NECTIN3: variants seen among roughly 807,000 people sequenced by gnomAD.
NECTIN3 encodes nectin cell adhesion molecule 3.
NECTIN3 carries 8 observed loss-of-function variants against 49.4 expected under a neutral mutation model. The ratio of observed to expected loss-of-function variants is 0.16; its 90% CI spans 0.10 to 0.29. NECTIN3 has a LOEUF of 0.29. Among genes scored for constraint, NECTIN3 ranks in the 10% least tolerant of loss-of-function variants. The probability of loss-of-function intolerance (pLI) is 1.00; values close to 1 mark genes in which losing one functional copy is unlikely to be tolerated. For missense variants in NECTIN3, 581 were observed against 654.6 expected (o/e 0.89, Z 1.23); for synonymous variants, 277 against 241.1 (o/e 1.15, Z -1.38).
intron 1 of NECTIN3, among the ~76,000 whole-genome samples, chr3:111,086,458 G>T (rs1439413882): frequency 2.6e-5 from 4 of 152,018 alleles, no homozygotes; most frequent in African/African-American, 9.7e-5. Context: ...ATAAGATAGG[G>T]TTCATATTTT....
intron 1 of NECTIN3, among the ~76,000 whole-genome samples, chr3:111,079,402 C>T (rs2031448746): frequency 6.6e-6 from 1 of 151,710 alleles, no homozygotes; most frequent in Non-Finnish European, 1.5e-5. Flanking sequence ...GTTTAAATGT[C>T]CTTTCATTAT....
intron 7 of NECTIN3, among the ~76,000 whole-genome samples, chr3:111,163,346 T>C (rs1018984253): frequency 1.3e-5 from 2 of 152,152 alleles, no homozygotes; most frequent in Non-Finnish European, 2.9e-5. Context: ...ACTTCAATAG[T>C]TGAAGCAACT....
chr3:111,113,980 C>T (rs1269115414), intron 2 of NECTIN3, among the ~76,000 whole-genome samples: 1 of 151,926 alleles, frequency 6.6e-6, no homozygotes, highest in African/African-American at 2.4e-5. Context: ...GAGACTGTGT[C>T]TCTAAATAAA....
intron 5 of NECTIN3, among the ~76,000 whole-genome samples, chr3:111,128,973 C>T (rs2034277707): frequency 6.6e-6 from 1 of 152,178 alleles, no homozygotes. Flanking sequence ...AAACCAAATC[C>T]TTACAATGAC....
At chr3:111,193,611 G>A (rs2035854821) in intron 1 of NECTIN3, 1 of 520,600 alleles carries the variant, frequency 1.9e-6, no homozygotes, top group Admixed American at 3.2e-5. Context: ...GTGTTTCTGT[G>A]ATGATGGTAT....
At chr3:111,124,866 T>C (rs1219995070) in intron 4 of NECTIN3, among the ~76,000 whole-genome samples, 1 of 152,128 alleles carries the variant, frequency 6.6e-6, no homozygotes, top group Non-Finnish European at 1.5e-5. Context: ...TTTACTTCTG[T>C]ATCTCAGCAC....
chr3:111,089,464 T>A (rs2032132220), intron 1 of NECTIN3, among the ~76,000 whole-genome samples: 1 of 146,166 alleles, frequency 6.8e-6, no homozygotes, highest in African/African-American at 2.4e-5. Context: ...CACACATATA[T>A]GTAATTTTTT....
chr3:111,077,803 A>T (rs903533448), intron 1 of NECTIN3, among the ~76,000 whole-genome samples: 1 of 152,178 alleles, frequency 6.6e-6, no homozygotes, highest in Non-Finnish European at 1.5e-5. Context: ...TGTGCTTGGC[A>T]TGTAGTAGGC....
rs574238552 is a variant in NECTIN3 at position 111,146,250 on chromosome 3, C to T, written c.1140-1153C>T. Reference sequence around the variant, plus strand: ...GAGATCGAGACCATCCCGGCTAAAACGGTGAAACCCCGTCTCTACTAAAAA... The same window carrying T: ...GAGATCGAGACCATCCCGGCTAAAATGGTGAAACCCCGTCTCTACTAAAAA... On this transcript the variant is annotated intron_variant, in intron 6 of 8. Transcript: ENST00000493615. Among the ~76,000 whole-genome samples the T allele has an allele frequency of 4.0e-3, 600 of 151,686 alleles. 5 individuals carry two copies. The highest frequency in any genetic ancestry group is 0.014 in the African/African-American group (572 of 41,422).
At chr3:111,115,676 T>C (rs1422557726) in intron 2 of NECTIN3, among the ~76,000 whole-genome samples, 2 of 152,184 alleles carry the variant, frequency 1.3e-5, no homozygotes, top group African/African-American at 4.8e-5. Context: ...ACACTTGTGA[T>C]TAGGAAGATG....
intron 1 of NECTIN3, among the ~76,000 whole-genome samples, chr3:111,086,260 C>G (rs537372742): frequency 6.6e-6 from 1 of 152,106 alleles, no homozygotes; most frequent in African/African-American, 2.4e-5. Flanking sequence ...TGAATGGTTT[C>G]TGTTGATAAA....
At chr3:111,174,219 T>A (rs2035483688) in intron 7 of NECTIN3, among the ~76,000 whole-genome samples, 1 of 152,222 alleles carries the variant, frequency 6.6e-6, no homozygotes, top group Non-Finnish European at 1.5e-5. Context: ...TCTGAACCCC[T>A]GTCATTTCTG....
chr3:111,076,128 C>G (rs2031178367), intron 1 of NECTIN3, among the ~76,000 whole-genome samples: 1 of 152,062 alleles, frequency 6.6e-6, no homozygotes, highest in Non-Finnish European at 1.5e-5. Context: ...GTTTATGTCA[C>G]TTATACTTTC....
intron 5 of NECTIN3, among the ~76,000 whole-genome samples, chr3:111,132,550 T>C (rs1253344120): frequency 1.3e-5 from 2 of 151,916 alleles, no homozygotes; most frequent in Non-Finnish European, 3.0e-5. Flanking sequence ...ACTTACCCTT[T>C]CTTCAAACTC....
intron 5 of NECTIN3, among the ~76,000 whole-genome samples, chr3:111,130,992 G>C (rs750084045): frequency 7.9e-5 from 12 of 151,948 alleles, no homozygotes; most frequent in Non-Finnish European, 1.6e-4. Flanking sequence ...AGGTCATATT[G>C]ATTTTAGGAT....
downstream of NECTIN3, among the ~76,000 whole-genome samples, chr3:111,141,358 A>C (rs772350860): frequency 3.3e-5 from 5 of 151,932 alleles, no homozygotes; most frequent in African/African-American, 4.8e-5. Flanking sequence ...AAAGGGCCTG[A>C]AGAGAAAAAA....
At chr3:111,072,586 A>T in intron 1 of NECTIN3, 2 of 1,534,128 alleles carry the variant, frequency 1.3e-6, no homozygotes, top group Non-Finnish European at 1.7e-6. Context: ...CAGAAACCCT[A>T]GGGACCGGAG....
At position 111,133,540 on chromosome 3, in the gene NECTIN3, A is replaced by T. The variant is rs537964025; in HGVS notation, c.1070-95A>T. The T allele has an allele frequency of 3.3e-5, 48 of 1,450,604 alleles. No homozygotes were observed. In the African/African-American group the frequency reaches 6.0e-4, roughly 18 times the overall value. 89.9% of individuals were successfully genotyped at this position (1,450,604 alleles called of 1,614,324 possible). ...CTATTGTTACTATGAATATATATTC[A>T]TTAACTGTGCTGTCTTGTCAACTTG... is the stretch of plus-strand genomic sequence containing the variant. On this transcript the variant is annotated intron_variant, in intron 5 of 5. Transcript: ENST00000485303.
chr3:111,169,897 C>A (rs564078576), intron 7 of NECTIN3, among the ~76,000 whole-genome samples: 11 of 152,332 alleles, frequency 7.2e-5, no homozygotes, highest in Middle Eastern at 3.4e-3. Context: ...CCAATGTACA[C>A]TGCCACTGAT....
Sources: allele counts gnomAD v4.1 joint callset (sites outside exome capture counted in the v4.1 genomes callset), GRCh38; gene constraint gnomAD v4.1.1; transcripts MANE v1.5; gene names NCBI Gene and HGNC (gene_info 2026-07-23, HGNC 2026-07-21).